The following NOVA1 variants were observed in gnomAD, a reference collection of about 807,000 sequenced individuals.
NOVA1 encodes NOVA alternative splicing regulator 1.
Under a neutral mutation model 38.0 loss-of-function variants are expected in NOVA1, and 7 were observed. The ratio of observed to expected loss-of-function variants is 0.18; its 90% CI spans 0.10 to 0.35. The LOEUF (loss-of-function observed/expected upper bound fraction) is 0.35, where lower values mean the gene tolerates loss of function less well. Among genes scored for constraint, NOVA1 ranks in the 10% least tolerant of loss-of-function variants. The pLI is 1.00. For synonymous variants in NOVA1, 270 were observed against 232.5 expected, an observed-to-expected ratio of 1.16 and a Z score of -1.47; for missense variants, 460 against 616.0, an observed-to-expected ratio of 0.75 and a Z score of 2.68.
intron 2 of NOVA1, among the ~76,000 whole-genome samples, chr14:26,543,799 A>G (rs1467130949): frequency 1.3e-5 from 2 of 152,136 alleles, no homozygotes; most frequent in East Asian, 3.9e-4. Context: ...AGCTGAGAAC[A>G]AGTTCAATGT....
intron 2 of NOVA1, among the ~76,000 whole-genome samples, chr14:26,485,613 T>C (rs1170102133): frequency 6.6e-6 from 1 of 152,134 alleles, no homozygotes; most frequent in Non-Finnish European, 1.5e-5. Flanking sequence ...ACCTGAGACA[T>C]TATTCAAACC....
At chr14:26,547,340 T>C (rs1017271907) in intron 2 of NOVA1, among the ~76,000 whole-genome samples, 2 of 152,058 alleles carry the variant, frequency 1.3e-5, no homozygotes, top group Non-Finnish European at 2.9e-5. Context: ...TCCAAAAAAT[T>C]AATTTAACTG....
At chr14:26,551,928 T>C (rs1891185267) in intron 2 of NOVA1, among the ~76,000 whole-genome samples, 2 of 152,078 alleles carry the variant, frequency 1.3e-5, no homozygotes, top group Non-Finnish European at 2.9e-5. Context: ...AACAGTATTA[T>C]AAAACAGTGT....
intron 2 of NOVA1, among the ~76,000 whole-genome samples, chr14:26,561,076 C>T (rs1016308425): frequency 6.6e-6 from 1 of 152,102 alleles, no homozygotes; most frequent in African/African-American, 2.4e-5. Flanking sequence ...CTAGATCCTT[C>T]GCGTGCTCAG....
At chr14:26,511,687 G>A (rs184221644) in intron 2 of NOVA1, among the ~76,000 whole-genome samples, 2 of 152,166 alleles carry the variant, frequency 1.3e-5, no homozygotes, top group African/African-American at 2.4e-5. Context: ...GGGAGGCAGA[G>A]GTTGCACTAA....
At chr14:26,487,805 G>C (rs1886035305) in intron 2 of NOVA1, among the ~76,000 whole-genome samples, 1 of 152,166 alleles carries the variant, frequency 6.6e-6, no homozygotes, top group Non-Finnish European at 1.5e-5. Flanking sequence ...GTCATAAAAA[G>C]AAATGATTGA....
At chr14:26,457,146 TG>T (rs1345370647) in intron 4 of NOVA1, among the ~76,000 whole-genome samples, 4 of 151,858 alleles carry the variant, frequency 2.6e-5, no homozygotes, top group Admixed American at 2.6e-4. Context: ...ATGGAACAAT[TG>T]TCCAAAATTA....
At chr14:26,572,818 T>C (rs955930470) in intron 2 of NOVA1, among the ~76,000 whole-genome samples, 13 of 151,456 alleles carry the variant, frequency 8.6e-5, no homozygotes, top group African/African-American at 3.1e-4. Flanking sequence ...CAAATACCTG[T>C]GGAAGAAGTA....
chr14:26,489,094 C>T (rs1886135153), intron 2 of NOVA1, among the ~76,000 whole-genome samples: 1 of 151,730 alleles, frequency 6.6e-6, no homozygotes. Context: ...AGATTGCTTA[C>T]GAGATGAGAG....
intron 4 of NOVA1, among the ~76,000 whole-genome samples, chr14:26,451,763 A>C (rs1173113753): frequency 6.6e-6 from 1 of 152,210 alleles, no homozygotes; most frequent in African/African-American, 2.4e-5. Context: ...AAAATTGAAG[A>C]ATTATATGAC....
intron 2 of NOVA1, among the ~76,000 whole-genome samples, chr14:26,547,255 T>C (rs1890849879): frequency 6.6e-6 from 1 of 152,140 alleles, no homozygotes; most frequent in South Asian, 2.1e-4. Flanking sequence ...GAAGGCCCTT[T>C]GAAAATCACC....
At chr14:26,472,618 G>T (rs1043938482) in intron 3 of NOVA1, among the ~76,000 whole-genome samples, 9 of 151,884 alleles carry the variant, frequency 5.9e-5, no homozygotes, top group African/African-American at 2.2e-4. Context: ...TTGAAATCAT[G>T]ATGGTGACTG....
At chr14:26,491,161 A>C (rs557181899) in intron 2 of NOVA1, among the ~76,000 whole-genome samples, 3 of 150,592 alleles carry the variant, frequency 2.0e-5, no homozygotes, top group Admixed American at 2.0e-4. Flanking sequence ...CATCTGGCTA[A>C]TTTTTTTTTA....
rs1894134903 is a variant in NOVA1 at position 26,595,537 on chromosome 14, A to G, written c.153T>C (p.Phe51=). ...RTNTGEDGQY[F]LKVLIPSYAA... ...CATAACTAGGTATGAGAACCTTTAG[A>G]AAATACTGGCCGTCTTCTGAAAAAT... Residue 51 remains phenylalanine (F), a synonymous_variant, in exon 2 of 5, where the codon TTT becomes TTC. Coordinates refer to ENST00000539517, the MANE Select transcript of NOVA1 (RefSeq NM_002515.3). The G allele has an allele frequency of 1.2e-6, 2 of 1,613,046 alleles. No individual in the cohort carries two copies. Among genetic ancestry groups the G allele is most frequent in the Non-Finnish European group, 1.7e-6 (2 of 1,179,652 alleles).
chr14:26,540,391 A>C (rs1332046679), intron 2 of NOVA1, among the ~76,000 whole-genome samples: 1 of 152,204 alleles, frequency 6.6e-6, no homozygotes. Context: ...CATCCCCCTC[A>C]GGGAAAAATC....
chr14:26,520,879 ATAAGTT>A (rs1366552066), intron 2 of NOVA1, among the ~76,000 whole-genome samples: 1 of 152,114 alleles, frequency 6.6e-6, no homozygotes, highest in African/African-American at 2.4e-5. Flanking sequence ...GAAATGCTAT[ATAAGTT>A]TATCAACTTT....
At chr14:26,507,148 A>C (rs2138433890) in intron 2 of NOVA1, among the ~76,000 whole-genome samples, 1 of 152,298 alleles carries the variant, frequency 6.6e-6, no homozygotes, top group East Asian at 1.9e-4. Context: ...TTATGCTATA[A>C]CAAACAAGCA....
intron 2 of NOVA1, among the ~76,000 whole-genome samples, chr14:26,550,538 T>A (rs1417693570): frequency 6.6e-6 from 1 of 152,136 alleles, no homozygotes; most frequent in African/African-American, 2.4e-5. Flanking sequence ...ACATTCTGCT[T>A]TTACTACAAC....
chr14:26,524,462 T>C (rs1403897386), intron 2 of NOVA1, among the ~76,000 whole-genome samples: 3 of 152,138 alleles, frequency 2.0e-5, no homozygotes, highest in East Asian at 3.9e-4. Flanking sequence ...TTAATATTAT[T>C]ATAAATAATT....
Sources: gnomAD v4.1 joint callset for allele counts (sites outside exome capture counted in the v4.1 genomes callset) on GRCh38, gnomAD v4.1.1 for gene constraint, MANE v1.5 for transcripts, NCBI Gene and HGNC (gene_info 2026-07-23, HGNC 2026-07-21) for gene names.